Variants in OSBPL1A observed in about 807,000 individuals in gnomAD.
OSBPL1A encodes the protein oxysterol-binding protein-related protein 1.
In OSBPL1A, 80 loss-of-function variants were observed where a neutral mutation model predicts 137.1. The observed-to-expected ratio is 0.58, with a 90% confidence interval of 0.49 to 0.70. The LOEUF is 0.70. Ranked by LOEUF, OSBPL1A falls within the 30% of genes least tolerant of loss-of-function variation. The probability of loss-of-function intolerance (pLI) is 0.00; values close to 1 mark genes in which losing one functional copy is unlikely to be tolerated. For missense variants in OSBPL1A, 970 were observed against 1,129.4 expected (o/e 0.86, Z 2.02); for synonymous variants, 365 against 389.7 (o/e 0.94, Z 0.75).
chr18:24,364,394 T>TG (rs1488709534), intron 4 of OSBPL1A, among the ~76,000 whole-genome samples: 3 of 152,172 alleles, frequency 2.0e-5, no homozygotes, highest in African/African-American at 7.2e-5. Flanking sequence ...GATTGAGTAA[T>TG]GGAGCCCACT....
At chr18:24,291,164 G>A (rs1462294679) in intron 14 of OSBPL1A, among the ~76,000 whole-genome samples, 1 of 152,150 alleles carries the variant, frequency 6.6e-6, no homozygotes, top group African/African-American at 2.4e-5. Flanking sequence ...TGGACATTCA[G>A]CAGAAGAAAC....
At chr18:24,396,745 G>C (rs1041842914) in intron 1 of OSBPL1A, among the ~76,000 whole-genome samples, 2 of 152,156 alleles carry the variant, frequency 1.3e-5, no homozygotes, top group Non-Finnish European at 2.9e-5. Context: ...AAAATTCATT[G>C]TATCGGGGTT....
In OSBPL1A at chr18:24,324,314, A is replaced by G. The variant is rs947226808; in HGVS notation, c.626-5505T>C. Among the ~76,000 whole-genome samples the G allele has an allele frequency of 3.1e-5, 2 of 64,952 alleles. 1 individual carries two copies. The highest frequency in any genetic ancestry group is 6.2e-5 in the Non-Finnish European group (2 of 32,432). The allele number at this position is 64,952 out of a possible 152,430, so 42.6% of individuals were successfully genotyped here. ...CCAGGCTTTCCCAAGTGCACCAAAC[A>G]TAGTTTTGAATAGTTTTCCTTGGGC... is the stretch of plus-strand genomic sequence containing the variant. On this transcript the variant is annotated intron_variant, in intron 7 of 27. Coordinates refer to ENST00000319481, the MANE Select transcript of OSBPL1A (RefSeq NM_080597.4).
intron 14 of OSBPL1A, among the ~76,000 whole-genome samples, chr18:24,288,138 A>G (rs1222736943): frequency 5.9e-5 from 9 of 152,242 alleles, no homozygotes; most frequent in Non-Finnish European, 1.3e-4. Context: ...ACATAAGAAC[A>G]TAGTCTTAGA....
intron 4 of OSBPL1A, among the ~76,000 whole-genome samples, chr18:24,352,667 A>G (rs1228899554): frequency 6.6e-6 from 1 of 152,202 alleles, no homozygotes; most frequent in African/African-American, 2.4e-5. Flanking sequence ...TTCAAACTAT[A>G]CTACAAGGCT....
rs79687005 is a variant in OSBPL1A, at chr18:24,304,849, A to T, written c.1093-1131T>A. ...CAATATTCTCTTCAAAATTTGTATT[A>T]CTCTCCTTTGTTTTGAGGGCTCTAA... On this transcript the variant is annotated intron_variant, in intron 13 of 27. Coordinates refer to ENST00000319481, the MANE Select transcript of OSBPL1A (RefSeq NM_080597.4). Among the ~76,000 whole-genome samples, 28 of 152,250 alleles carry T rather than the reference A, an allele frequency of 1.8e-4. No individual in the cohort carries two copies. In the East Asian group the frequency reaches 5.0e-3, roughly 27 times the overall value.
intron 4 of OSBPL1A, chr18:24,358,406 C>T: frequency 1.4e-6 from 1 of 697,496 alleles, no homozygotes; most frequent in Non-Finnish European, 2.6e-6. Context: ...TTGACTTGTC[C>T]ACTCCTGTCC....
At chr18:24,339,744 G>T (rs552172148) in intron 5 of OSBPL1A, among the ~76,000 whole-genome samples, 71 of 152,252 alleles carry the variant, frequency 4.7e-4, no homozygotes, top group Middle Eastern at 6.8e-3. Flanking sequence ...TGTTCTCCAC[G>T]TTACTAAATT....
intron 1 of OSBPL1A, among the ~76,000 whole-genome samples, chr18:24,389,940 T>C (rs1236452571): frequency 6.6e-6 from 1 of 151,420 alleles, no homozygotes; most frequent in African/African-American, 2.4e-5. Flanking sequence ...AGACTCTGTC[T>C]CAAAAAAATA....
At chr18:24,392,547 T>C (rs1390016856) in intron 1 of OSBPL1A, among the ~76,000 whole-genome samples, 1 of 152,250 alleles carries the variant, frequency 6.6e-6, no homozygotes, top group Admixed American at 6.5e-5. Context: ...GATACTGATT[T>C]TATGAATGTT....
At chr18:24,279,961 T>C (rs983579414) in intron 15 of OSBPL1A, among the ~76,000 whole-genome samples, 2 of 151,984 alleles carry the variant, frequency 1.3e-5, no homozygotes, top group Non-Finnish European at 2.9e-5. Context: ...GGCTGATTTT[T>C]TTTTGAGACA....
intron 20 of OSBPL1A, among the ~76,000 whole-genome samples, chr18:24,178,535 C>G (rs1385284387): frequency 6.6e-6 from 1 of 152,192 alleles, no homozygotes; most frequent in Non-Finnish European, 1.5e-5. Flanking sequence ...TCGTGATCAA[C>G]CCACCTCAGC....
chr18:24,320,652 A>G (rs964054413), intron 7 of OSBPL1A, among the ~76,000 whole-genome samples: 2 of 152,204 alleles, frequency 1.3e-5, no homozygotes, highest in African/African-American at 4.8e-5. Flanking sequence ...TTTATTCTAA[A>G]TAGGATGAAA....
chr18:24,179,660 A>G (rs2086546486), intron 20 of OSBPL1A, 78 bp downstream of exon 20: 2 of 1,208,110 alleles, frequency 1.7e-6, no homozygotes, highest in Non-Finnish European at 2.4e-6. Flanking sequence ...TATAATTGTT[A>G]TTCGTGATGA....
chr18:24,215,849 C>T (rs576039500), intron 17 of OSBPL1A, among the ~76,000 whole-genome samples: 1 of 152,216 alleles, frequency 6.6e-6, no homozygotes, highest in South Asian at 2.1e-4. Flanking sequence ...ATCTTGTGTT[C>T]ACGTGTGTTG....
intron 17 of OSBPL1A, among the ~76,000 whole-genome samples, chr18:24,216,584 A>C (rs2588592): frequency 2.0e-5 from 3 of 152,206 alleles, no homozygotes; most frequent in Non-Finnish European, 1.5e-5. Context: ...CACATTTACC[A>C]ATAGAAAACA....
At chr18:24,364,615 A>ATT (rs560525521) in intron 4 of OSBPL1A, among the ~76,000 whole-genome samples, 154 of 148,060 alleles carry the variant, frequency 1.0e-3, no homozygotes, top group African/African-American at 3.7e-3. Context: ...TTTTTTTTTA[A>ATT]TTTTTTTTTT....
At position 24,239,311 on chromosome 18, in the gene OSBPL1A, G is replaced by A. The variant is rs1382997937; in HGVS notation, c.1353C>T (p.Ala451=). The change falls in exon 16 of 28, where the codon GCC becomes GCT. Residue 451 remains alanine, a synonymous_variant. Transcript: ENST00000319481. ...ACTGCTCTAATTCATGATGTTCAGT[G>A]GCCAGCGTCTCCAGTGCTTCTGACA... ...KILSEALETL[A]TEHHELEQSL... The A allele has an allele frequency of 2.5e-6, 4 of 1,613,948 alleles. No individual in the cohort carries two copies. The highest frequency in any genetic ancestry group is 3.4e-6 in the Non-Finnish European group (4 of 1,179,990).
At position 24,239,340 on chromosome 18, in the gene OSBPL1A, T is replaced by G; in HGVS notation, c.1324A>C (p.Ile442Leu). ...KLEQEQEKNKILSEALETLAT... is the reference protein window; with the variant it reads ...KLEQEQEKNKLLSEALETLAT... ...AGCGTCTCCAGTGCTTCTGACAAGA[T>G]TTTGTTTTTTTCTTGCTCTTGTTCC... is the stretch of plus-strand genomic sequence containing the variant. Residue 442 changes from isoleucine to leucine, a missense_variant, in exon 16 of 28, where the codon ATC becomes CTC. Ile to Leu is a conservative substitution (Grantham distance 5). Transcript: ENST00000319481. The G allele has an allele frequency of 1.9e-6, 3 of 1,614,032 alleles. No homozygotes were observed. Among genetic ancestry groups the G allele is most frequent in the Non-Finnish European group, 2.5e-6 (3 of 1,179,958 alleles).
Sources: allele counts gnomAD v4.1 joint callset (sites outside exome capture counted in the v4.1 genomes callset), GRCh38; gene constraint gnomAD v4.1.1; transcripts MANE v1.5; gene names NCBI Gene and HGNC (gene_info 2026-07-23, HGNC 2026-07-21).